CHAF1B: variants seen among roughly 807,000 people sequenced by gnomAD.
CHAF1B encodes the protein CAF-1 subunit B.
Under a neutral mutation model 60.7 loss-of-function variants are expected in CHAF1B, and 10 were observed. The ratio of observed to expected loss-of-function variants is 0.16; its 90% CI spans 0.10 to 0.28. The LOEUF (loss-of-function observed/expected upper bound fraction) is 0.28, where lower values mean the gene tolerates loss of function less well. Among genes scored for constraint, CHAF1B ranks in the 10% least tolerant of loss-of-function variants. The pLI is 1.00. For missense variants in CHAF1B, 558 were observed against 708.4 expected, an observed-to-expected ratio of 0.79 and a Z score of 2.41; for synonymous variants, 261 against 266.1, an observed-to-expected ratio of 0.98 and a Z score of 0.19.
chr21:36,409,524 G>T (rs1437924476), intron 10 of CHAF1B, 59 bp downstream of exon 10: 1 of 1,277,130 alleles, frequency 7.8e-7, no homozygotes, highest in Non-Finnish European at 1.1e-6. Context: ...TCACCAGAGT[G>T]GGGTGGAGAT....
chr21:36,389,800 T>TGTGTGTGTGTGTGTGTGCGC, intron 3 of CHAF1B, among the ~76,000 whole-genome samples: 6 of 124,800 alleles, frequency 4.8e-5, no homozygotes, highest in African/African-American at 2.1e-4. Context: ...TGTGTGTGTG[T>TGTGTGTGTGTGTGTGTGCGC]GCGCGCGCAC....
At chr21:36,409,317 A>G (rs1878347831) in intron 9 of CHAF1B, 57 bp from the exon 10 acceptor site, 4 of 1,416,172 alleles carry the variant, frequency 2.8e-6, no homozygotes, top group African/African-American at 2.8e-5. Context: ...TTTACCTTTT[A>G]TTTTTGCTTT....
Position 36,387,097 on chromosome 21 carries a change from G to A in CHAF1B, c.127-501G>A, listed in dbSNP as rs549608185. Reference sequence around the variant, plus strand: ...GGGATCCTGATCCTGGTTCCTACTGGGTAACAAGTTGCTCTAGAAAGAAGG... The same window carrying A: ...GGGATCCTGATCCTGGTTCCTACTGAGTAACAAGTTGCTCTAGAAAGAAGG... On this transcript the variant is annotated intron_variant, in intron 2 of 13. Transcript: ENST00000314103. Among the ~76,000 whole-genome samples, 3 of 152,166 alleles carry A rather than the reference G, an allele frequency of 2.0e-5. No homozygotes were observed. In the South Asian group the frequency reaches 6.2e-4, roughly 32 times the overall value.
intron 10 of CHAF1B, among the ~76,000 whole-genome samples, chr21:36,409,730 T>G (rs550807212): frequency 1.3e-5 from 2 of 152,222 alleles, no homozygotes; most frequent in East Asian, 3.9e-4. Flanking sequence ...ACTCCTGGAC[T>G]CAAGTGATCC....
chr21:36,406,554 G>A (rs1393831763), intron 8 of CHAF1B, among the ~76,000 whole-genome samples: 1 of 152,048 alleles, frequency 6.6e-6, no homozygotes, highest in East Asian at 1.9e-4. Flanking sequence ...CCAAAGTGCT[G>A]GGATTACAGG....
intron 9 of CHAF1B, among the ~76,000 whole-genome samples, chr21:36,409,154 T>C (rs1338417568): frequency 6.9e-6 from 1 of 145,142 alleles, no homozygotes; most frequent in Non-Finnish European, 1.5e-5. Context: ...TGCACCCGGC[T>C]TGTATTTTTT....
chr21:36,391,463 C>CAAAA, intron 3 of CHAF1B, 88 bp from the exon 4 acceptor site: 15 of 511,552 alleles, frequency 2.9e-5, no homozygotes, highest in East Asian at 9.0e-5. Context: ...GACTCCGTCT[C>CAAAA]AAAAAAAAAA....
chr21:36,413,389 G>A, intron 12 of CHAF1B, 74 bp downstream of exon 12: 5 of 1,421,014 alleles, frequency 3.5e-6, no homozygotes, highest in Non-Finnish European at 3.8e-6. Context: ...CCACCCTGCT[G>A]CAGGTGAAAT....
At chr21:36,396,029 C>T (rs1464660485) in intron 5 of CHAF1B, among the ~76,000 whole-genome samples, 3 of 151,202 alleles carry the variant, frequency 2.0e-5, no homozygotes, top group African/African-American at 7.3e-5. Context: ...TAGATGGAGT[C>T]TCCCTCAGTT....
At position 36,400,364 on chromosome 21, in the gene CHAF1B, A is replaced by G. The variant is rs538242657; in HGVS notation, c.663+759A>G. On this transcript the variant is annotated intron_variant, in intron 7 of 13. Transcript: ENST00000314103. Reference sequence around the variant, plus strand: ...TGCATGCATGTGATCCCAGCTATTCAGGAGGCTGAGGCAGGAGAATTGCTT... The same window carrying G: ...TGCATGCATGTGATCCCAGCTATTCGGGAGGCTGAGGCAGGAGAATTGCTT... 1.3e-4 allele frequency among the ~76,000 whole-genome samples: 20 copies of G among 151,646 alleles called. No homozygotes were observed. The East Asian group carries it at 2.7e-3, about 21-fold the overall frequency.
intron 2 of CHAF1B, 22 bp downstream of exon 2, chr21:36,386,284 C>T: frequency 6.2e-7 from 1 of 1,610,392 alleles, no homozygotes; most frequent in South Asian, 1.1e-5. Flanking sequence ...CAGAGATAGA[C>T]ATCCGGGAAC....
intron 4 of CHAF1B, among the ~76,000 whole-genome samples, chr21:36,392,526 G>A (rs8129487): frequency 0.037 from 4,657 of 124,280 alleles, 99 homozygotes; most frequent in Admixed American, 0.056. Context: ...CCCACCTCCC[G>A]GACGGGGCAG....
intron 5 of CHAF1B, among the ~76,000 whole-genome samples, chr21:36,395,635 G>T (rs1470058912): frequency 1.3e-5 from 2 of 152,200 alleles, no homozygotes; most frequent in African/African-American, 4.8e-5. Context: ...TGATGGGGTA[G>T]GTGGGATCAG....
intron 6 of CHAF1B, among the ~76,000 whole-genome samples, chr21:36,398,521 G>A (rs1377219873): frequency 6.6e-6 from 1 of 152,104 alleles, no homozygotes; most frequent in Non-Finnish European, 1.5e-5. Flanking sequence ...CACCATGCCT[G>A]GCTAATTTTT....
rs556849617 is a variant in CHAF1B, at chr21:36,394,710, A to G, written c.481+60A>G. The stretch of plus-strand genomic sequence containing the variant: ...ATATTCTAAGCATCTATAAAAGCCT[A>G]AAAGTCTAACTTGCTTTAACTTTTT... On this transcript the variant is annotated intron_variant, in intron 5 of 13. Transcript: ENST00000314103. 1.6e-5 allele frequency: 19 copies of G among 1,216,110 alleles called. No homozygotes were observed. The East Asian group carries it at 4.1e-4, about 26-fold the overall frequency. 75.3% of individuals were successfully genotyped at this position (1,216,110 alleles called of 1,614,324 possible). A position where few individuals can be genotyped will look rare whatever the true frequency, so the allele number is the denominator to read the frequency against.
intron 11 of CHAF1B, among the ~76,000 whole-genome samples, chr21:36,412,310 CCTT>C (rs1381001939): frequency 6.6e-6 from 1 of 152,104 alleles, no homozygotes; most frequent in African/African-American, 2.4e-5. Context: ...TCAGCACTGT[CCTT>C]CTGCCACCTT....
chr21:36,396,458 C>T (rs557742980), intron 5 of CHAF1B, among the ~76,000 whole-genome samples: 2 of 147,444 alleles, frequency 1.4e-5, no homozygotes, highest in Admixed American at 1.4e-4. Flanking sequence ...CCTAGGAATT[C>T]AAGACCAGCA....
chr21:36,414,719 C>T (rs141789458), intron 12 of CHAF1B, among the ~76,000 whole-genome samples: 3,028 of 152,256 alleles, frequency 0.02, 55 homozygotes, highest in Admixed American at 0.043. Context: ...TCAAGTGATT[C>T]TCCTACCTCA....
Position 36,417,931 on chromosome 21 carries a change from G to T in CHAF1B, c.*1565G>T, listed in dbSNP as rs1162905333. 6.6e-6 allele frequency: 1 copy of T among 152,120 alleles called. No homozygotes were observed. The highest frequency in any genetic ancestry group is 2.4e-5 in the African/African-American group (1 of 41,422). 9.4% of individuals were successfully genotyped at this position (152,120 alleles called of 1,614,324 possible). On this transcript the variant is annotated 3_prime_UTR_variant, in exon 14 of 14. Transcript: ENST00000314103. ...TTCTTAAAGCTCCTGGAGTAATTCT[G>T]ATGCGCAGCCAAGATTGAGAAATCT...
Sources: allele counts gnomAD v4.1 joint callset (sites outside exome capture counted in the v4.1 genomes callset), GRCh38; gene constraint gnomAD v4.1.1; transcripts MANE v1.5; gene names NCBI Gene and HGNC (gene_info 2026-07-23, HGNC 2026-07-21).